Variants in RAI1 observed in about 807,000 individuals in gnomAD.
RAI1 encodes the protein retinoic acid induced 1, also known as retinoic acid-induced protein 1.
RAI1 carries 9 observed loss-of-function variants against 123.8 expected under a neutral mutation model. That is an observed-to-expected ratio of 0.07 (90% confidence interval 0.04 to 0.13). The LOEUF (loss-of-function observed/expected upper bound fraction) is 0.13. RAI1 is among the 10% of genes least tolerant of loss of function. The pLI is 1.00. For missense variants in RAI1, 2,256 were observed against 2,545.8 expected, an observed-to-expected ratio of 0.89 and a Z score of 2.45; for synonymous variants, 1,231 against 1,127.3, an observed-to-expected ratio of 1.09 and a Z score of -1.84.
Position 17,799,686 on chromosome 17 carries a change from C to T in RAI1, c.5565+1173C>T, listed in dbSNP as rs890257257. 6.6e-6 allele frequency among the ~76,000 whole-genome samples: 1 copy of T among 152,186 alleles called. No individual in the cohort carries two copies. Among genetic ancestry groups the T allele is most frequent in the African/African-American group, 2.4e-5 (1 of 41,442 alleles). Reference sequence around the variant, plus strand: ...GGAGCCAGAGGGGCTTGGCAGGGGTCTCCAGAGGCCCTGGACAAACACTGC... The same window carrying T: ...GGAGCCAGAGGGGCTTGGCAGGGGTTTCCAGAGGCCCTGGACAAACACTGC... On this transcript the variant is annotated intron_variant, in intron 3 of 5. Coordinates refer to ENST00000353383, the MANE Select transcript of RAI1 (RefSeq NM_030665.4). This position sits in a 1 kb window ranked among gnomAD's most constrained non-coding sequence, Gnocchi z 4.5.
chr17:17,747,082 G>A (rs1308320896), intron 2 of RAI1, among the ~76,000 whole-genome samples: 1 of 152,120 alleles, frequency 6.6e-6, no homozygotes, highest in East Asian at 1.9e-4. Context: ...ATCCATAACT[G>A]CCTATCTGAG....
intron 1 of RAI1, chr17:17,683,533 C>T (rs1914517763): frequency 1.3e-5 from 2 of 152,250 alleles, no homozygotes; most frequent in South Asian, 2.1e-4. Flanking sequence ...CCCACCCCTC[C>T]CCCTCTTGAC....
At position 17,717,401 on chromosome 17, in the gene RAI1, A is replaced by G. The variant is rs1018613388; in HGVS notation, c.-148-6627A>G. ...CAACGTGTCCAGAGTGTGTGGCTTCATTGTAGCCAGGAACCAAGGGTGCCC... is the reference window on the plus strand; with the variant it reads ...CAACGTGTCCAGAGTGTGTGGCTTCGTTGTAGCCAGGAACCAAGGGTGCCC... On this transcript the variant is annotated intron_variant, in intron 1 of 5. Transcript: ENST00000353383. Among the ~76,000 whole-genome samples, 5 of 152,216 alleles carry G rather than the reference A, an allele frequency of 3.3e-5. No individual in the cohort carries two copies. In the South Asian group the frequency reaches 6.2e-4, roughly 19 times the overall value.
intron 2 of RAI1, among the ~76,000 whole-genome samples, chr17:17,752,389 G>T (rs1443785723): frequency 6.6e-6 from 1 of 152,184 alleles, no homozygotes; most frequent in Non-Finnish European, 1.5e-5. Context: ...GGGGCCCCCG[G>T]GGCGAGGCTG....
chr17:17,802,545 G>C (rs1467987814), intron 3 of RAI1, among the ~76,000 whole-genome samples: 8 of 152,192 alleles, frequency 5.3e-5, no homozygotes, highest in South Asian at 2.1e-4. Flanking sequence ...GGGAGGCTGA[G>C]GTGGGCGGAT....
intron 2 of RAI1, 36 bp from the exon 3 acceptor site, chr17:17,792,897 T>G: frequency 8.0e-6 from 3 of 375,248 alleles, no homozygotes; most frequent in Non-Finnish European, 1.1e-5. Flanking sequence ...CCCTCCCTCC[T>G]TCCCTCCCTC....
At position 17,795,116 on chromosome 17, in the gene RAI1, C is replaced by T. The variant is rs1471041018; in HGVS notation, c.2168C>T (p.Thr723Ile). 5 of 1,614,004 alleles carry T rather than the reference C, an allele frequency of 3.1e-6. No homozygotes were observed. Among genetic ancestry groups the T allele is most frequent in the Admixed American group, 3.3e-5 (2 of 60,014 alleles). Residue 723 changes from threonine (T) to isoleucine (I), a missense_variant, in exon 3 of 6, where the codon ACA (threonine) becomes ATA (isoleucine). Coordinates refer to ENST00000353383, the MANE Select transcript of RAI1 (RefSeq NM_030665.4). The surrounding 1 kb of genome is among the most constrained non-coding windows in gnomAD (Gnocchi z 5.9). ...TLGVPAPDPT[T>I]AAFDCFPDTT... ...GGGGTTCCTGCTCCAGACCCCACTA[C>T]AGCAGCTTTTGACTGTTTCCCGGAC...
intron 2 of RAI1, among the ~76,000 whole-genome samples, chr17:17,781,168 C>A (rs1202945865): frequency 6.6e-6 from 1 of 152,252 alleles, no homozygotes; most frequent in East Asian, 1.9e-4. Flanking sequence ...TTCTTCCCCG[C>A]CACCAAGCTA....
chr17:17,762,359 AG>A (rs1221483611), intron 2 of RAI1, among the ~76,000 whole-genome samples: 1 of 151,970 alleles, frequency 6.6e-6, no homozygotes, highest in Non-Finnish European at 1.5e-5. Context: ...ATGTGTGAGG[AG>A]CCAGTGGGAG....
chr17:17,739,840 C>T (rs918591385), intron 2 of RAI1, among the ~76,000 whole-genome samples: 1 of 152,236 alleles, frequency 6.6e-6, no homozygotes, highest in Non-Finnish European at 1.5e-5. Context: ...GTCCCAGGCA[C>T]CAGTCCAGCT....
intron 2 of RAI1, among the ~76,000 whole-genome samples, chr17:17,747,697 C>T (rs1179446937): frequency 6.6e-6 from 1 of 152,054 alleles, no homozygotes; most frequent in Non-Finnish European, 1.5e-5. Context: ...AGATGGAGGC[C>T]ACAGGAGTGC....
At chr17:17,724,303 C>T (rs1252720148) in intron 2 of RAI1, 144 bp downstream of exon 2, 1 of 151,440 alleles carries the variant, frequency 6.6e-6, no homozygotes, top group Non-Finnish European at 1.5e-5. Flanking sequence ...GGACACCCCT[C>T]CCGCGGCGCC....
At chr17:17,691,483 T>C (rs529017246) in intron 1 of RAI1, among the ~76,000 whole-genome samples, 5 of 152,288 alleles carry the variant, frequency 3.3e-5, no homozygotes, top group Admixed American at 1.3e-4. Context: ...AAGGAAAAGG[T>C]AGCGGGAAGA....
chr17:17,747,190 G>A (rs1253823179), intron 2 of RAI1, among the ~76,000 whole-genome samples: 16 of 152,168 alleles, frequency 1.1e-4, no homozygotes, highest in Admixed American at 1.0e-3. Context: ...GCCTCATTTG[G>A]GGTAAATGCA....
intron 2 of RAI1, among the ~76,000 whole-genome samples, chr17:17,756,385 C>T (rs566303290): frequency 1.8e-4 from 27 of 151,902 alleles, no homozygotes; most frequent in African/African-American, 1.7e-4. Flanking sequence ...TTATTAGAGA[C>T]AGGGTTTCTC....
chr17:17,748,902 A>AC (rs888366906), intron 2 of RAI1, among the ~76,000 whole-genome samples: 54 of 151,832 alleles, frequency 3.6e-4, no homozygotes, highest in African/African-American at 1.1e-3. Flanking sequence ...CTCTAGCTGC[A>AC]CCCCCCTCCC....
rs762857030 is a variant in RAI1 at position 17,809,940 on chromosome 17, C to A, written c.5710-30C>A. Reference sequence around the variant, plus strand: ...TATGGACTGTGAAGTCCGAGGTCGTCGGTAACTGGCGGGCGGGCGTCTTTT... The same window carrying A: ...TATGGACTGTGAAGTCCGAGGTCGTAGGTAACTGGCGGGCGGGCGTCTTTT... On this transcript the variant is annotated intron_variant, in intron 5 of 5. Transcript: ENST00000353383. This position sits in a 1 kb window ranked among gnomAD's most constrained non-coding sequence, Gnocchi z 4.9. 2 of 1,559,526 alleles carry A rather than the reference C, an allele frequency of 1.3e-6. No homozygotes were observed. Among genetic ancestry groups the A allele is most frequent in the Admixed American group, 1.9e-5 (1 of 52,224 alleles).
At chr17:17,726,067 C>T (rs1441350346) in intron 2 of RAI1, among the ~76,000 whole-genome samples, 1 of 152,148 alleles carries the variant, frequency 6.6e-6, no homozygotes. Context: ...CAACAGGACT[C>T]GGCTGGGTGG....
At chr17:17,699,634 G>T (rs544999751) in intron 1 of RAI1, among the ~76,000 whole-genome samples, 32 of 149,826 alleles carry the variant, frequency 2.1e-4, no homozygotes, top group Non-Finnish European at 2.7e-4. Context: ...GGGGCCGGGG[G>T]GGGGGGAATC....
Sources: gnomAD v4.1 joint callset for allele counts (sites outside exome capture counted in the v4.1 genomes callset) on GRCh38, gnomAD v4.1.1 for gene constraint, Gnocchi (gnomAD v3.1) non-coding constraint, MANE v1.5 for transcripts, NCBI Gene and HGNC (gene_info 2026-07-23, HGNC 2026-07-21) for gene names.